Variants in BTBD9 observed in about 807,000 individuals in gnomAD.
BTBD9 encodes BTB/POZ domain-containing protein 9.
A neutral mutation model predicts 64.3 loss-of-function variants in BTBD9; 49 were observed. That is an observed-to-expected ratio of 0.76 (90% CI 0.61 to 0.97). The LOEUF (loss-of-function observed/expected upper bound fraction) is 0.97. BTBD9 is among the 50% of genes least tolerant of loss of function. The probability of loss-of-function intolerance (pLI) is 0.00; values close to 1 mark genes in which losing one functional copy is unlikely to be tolerated. For missense variants in BTBD9, 598 were observed against 762.1 expected, an observed-to-expected ratio of 0.78 and a Z score of 2.53; for synonymous variants, 260 against 274.7, an observed-to-expected ratio of 0.95 and a Z score of 0.53.
At chr6:38,219,550 C>T (rs981884459) in intron 9 of BTBD9, among the ~76,000 whole-genome samples, 29 of 152,132 alleles carry the variant, frequency 1.9e-4, no homozygotes, top group Admixed American at 1.7e-3. Flanking sequence ...TGTTCCATTA[C>T]GTCATATCAC....
At chr6:38,379,468 G>A (rs1461892225) in intron 6 of BTBD9, among the ~76,000 whole-genome samples, 2 of 152,154 alleles carry the variant, frequency 1.3e-5, no homozygotes, top group African/African-American at 4.8e-5. Flanking sequence ...AGAAATGGAA[G>A]AGAAGAAATC....
intron 1 of BTBD9, among the ~76,000 whole-genome samples, chr6:38,631,467 G>A (rs1385550760): frequency 6.6e-6 from 1 of 152,202 alleles, no homozygotes; most frequent in African/African-American, 2.4e-5. Context: ...ATCAAATATA[G>A]AAGGAGTAAC....
At chr6:38,357,503 C>T (rs771067905) in intron 6 of BTBD9, among the ~76,000 whole-genome samples, 1 of 152,148 alleles carries the variant, frequency 6.6e-6, no homozygotes. Flanking sequence ...TAAGAATCTG[C>T]CATCATAACC....
chr6:38,242,860 A>C (rs1271489689), intron 9 of BTBD9, among the ~76,000 whole-genome samples: 4 of 152,264 alleles, frequency 2.6e-5, no homozygotes, highest in African/African-American at 9.6e-5. Context: ...ATTTTTAAAA[A>C]GTAACCTTTC....
intron 6 of BTBD9, among the ~76,000 whole-genome samples, chr6:38,426,912 A>G (rs749584232): frequency 1.3e-5 from 2 of 151,742 alleles, no homozygotes; most frequent in Non-Finnish European, 2.9e-5. Context: ...TAACAGTATC[A>G]TGTCTAGACA....
Position 38,193,061 on chromosome 6 carries a change from T to TAATA in BTBD9, c.1563-465_1563-464insTATT, listed in dbSNP as rs1554126837. 1.9e-4 allele frequency among the ~76,000 whole-genome samples: 28 copies of TAATA among 149,140 alleles called. 1 individual carries two copies. The highest frequency in any genetic ancestry group is 3.3e-4 in the Non-Finnish European group (22 of 67,230). On this transcript the variant is annotated intron_variant, in intron 9 of 10. Coordinates refer to ENST00000481247, the MANE Select transcript of BTBD9 (RefSeq NM_001099272.2). The stretch of plus-strand genomic sequence containing the variant: ...CCTAGAACTTGGAGTATAATAATAA[T>TAATA]AAAAAAAAAAGTGCGGACAAATAGA...
chr6:38,508,561 C>T (rs1030226107), intron 6 of BTBD9, among the ~76,000 whole-genome samples: 1 of 152,142 alleles, frequency 6.6e-6, no homozygotes, highest in Admixed American at 6.6e-5. Flanking sequence ...GCAGCAGGAG[C>T]GATTATATGA....
intron 6 of BTBD9, among the ~76,000 whole-genome samples, chr6:38,548,993 A>G (rs1582616484): frequency 6.6e-6 from 1 of 152,342 alleles, no homozygotes; most frequent in South Asian, 2.1e-4. Flanking sequence ...GATCTTTTAG[A>G]GGATTTTCAT....
At chr6:38,573,372 A>T (rs60134345) in intron 6 of BTBD9, among the ~76,000 whole-genome samples, 13,723 of 152,092 alleles carry the variant, frequency 0.09, 671 homozygotes, top group East Asian at 0.26. Context: ...ATAATTTTTT[A>T]AAAAAGGAAA....
intron 6 of BTBD9, among the ~76,000 whole-genome samples, chr6:38,548,957 G>A (rs1023537878): frequency 3.9e-5 from 6 of 152,148 alleles, no homozygotes; most frequent in African/African-American, 9.7e-5. Context: ...ATGGGTAAAG[G>A]TGACTTGTAA....
chr6:38,286,809 C>A (rs1020059227), intron 8 of BTBD9, among the ~76,000 whole-genome samples: 1 of 152,030 alleles, frequency 6.6e-6, no homozygotes, highest in Non-Finnish European at 1.5e-5. Flanking sequence ...TGGCTGGGCG[C>A]CATGGCTCAT....
At chr6:38,273,630 C>T (rs934369573) in intron 8 of BTBD9, among the ~76,000 whole-genome samples, 1 of 152,190 alleles carries the variant, frequency 6.6e-6, no homozygotes, top group African/African-American at 2.4e-5. Flanking sequence ...AAGGGGATGA[C>T]CATACCAGAG....
intron 4 of BTBD9, among the ~76,000 whole-genome samples, chr6:38,587,084 A>T (rs951464298): frequency 1.3e-5 from 2 of 152,020 alleles, no homozygotes; most frequent in Non-Finnish European, 2.9e-5. Flanking sequence ...AAAAGGATAA[A>T]ATTTACTTAG....
rs917670222 is a variant in BTBD9, at chr6:38,170,957, C to A, written c.*4028G>T. Reference sequence around the variant, plus strand: ...AGATTAAAATAATAACACCGACAAGCAAGCACTAATGAGGAAAAACTCCTG... The same window carrying A: ...AGATTAAAATAATAACACCGACAAGAAAGCACTAATGAGGAAAAACTCCTG... On this transcript the variant is annotated 3_prime_UTR_variant, in exon 11 of 11. Coordinates refer to ENST00000481247, the MANE Select transcript of BTBD9 (RefSeq NM_001099272.2). 6.6e-5 allele frequency: 10 copies of A among 152,370 alleles called. No homozygotes were observed. The highest frequency in any genetic ancestry group is 2.0e-4 in the Admixed American group (3 of 15,302). The allele number at this position is 152,370 out of a possible 1,614,324, so 9.4% of individuals were successfully genotyped here. A position where few individuals can be genotyped will look rare whatever the true frequency, so the allele number is the denominator to read the frequency against.
At chr6:38,368,952 T>C (rs1390100661) in intron 6 of BTBD9, among the ~76,000 whole-genome samples, 1 of 152,210 alleles carries the variant, frequency 6.6e-6, no homozygotes, top group African/African-American at 2.4e-5. Flanking sequence ...CACTTCAATT[T>C]CAATTGTCCA....
At chr6:38,485,596 G>A (rs966384657) in intron 6 of BTBD9, among the ~76,000 whole-genome samples, 1 of 152,204 alleles carries the variant, frequency 6.6e-6, no homozygotes, top group African/African-American at 2.4e-5. Flanking sequence ...GAGAGGAGCT[G>A]TTTTGTCTCA....
intron 6 of BTBD9, among the ~76,000 whole-genome samples, chr6:38,486,302 C>T (rs972853476): frequency 2.0e-5 from 3 of 152,202 alleles, no homozygotes; most frequent in Admixed American, 1.3e-4. Flanking sequence ...CACTGGAGTG[C>T]TTGGACTTTC....
intron 9 of BTBD9, among the ~76,000 whole-genome samples, chr6:38,243,195 A>G (rs761223926): frequency 2.6e-5 from 4 of 152,360 alleles, no homozygotes; most frequent in Middle Eastern, 3.4e-3. Context: ...AATTACAGAA[A>G]TAAAGGTTAG....
chr6:38,193,010 C>A (rs1234564355), intron 9 of BTBD9, among the ~76,000 whole-genome samples: 3 of 151,850 alleles, frequency 2.0e-5, no homozygotes, highest in African/African-American at 7.3e-5. Flanking sequence ...GCATATGTGA[C>A]AGGCCTGCAC....
Sources: gnomAD v4.1 joint callset for allele counts (sites outside exome capture counted in the v4.1 genomes callset) on GRCh38, gnomAD v4.1.1 for gene constraint, MANE v1.5 for transcripts, NCBI Gene and HGNC (gene_info 2026-07-23, HGNC 2026-07-21) for gene names.